The following JPH3 variants were observed in gnomAD, a reference collection of about 807,000 sequenced individuals.
JPH3 encodes the protein junctophilin 3.
In JPH3, 11 loss-of-function variants were observed where a neutral mutation model predicts 59.6. The ratio of observed to expected loss-of-function variants is 0.18; its 90% confidence interval spans 0.12 to 0.31. The LOEUF (loss-of-function observed/expected upper bound fraction) is 0.31. Among genes scored for constraint, JPH3 ranks in the 10% least tolerant of loss-of-function variants. The pLI, the probability that JPH3 is intolerant of heterozygous loss-of-function variation, is 1.00. For synonymous variants in JPH3, 673 were observed against 483.6 expected, an observed-to-expected ratio of 1.39 and a Z score of -5.14; for missense variants, 1,202 against 1,105.7, an observed-to-expected ratio of 1.09 and a Z score of -1.24.
chr16:87,610,818 G>T (rs1369398794), intron 1 of JPH3, among the ~76,000 whole-genome samples: 1 of 152,200 alleles, frequency 6.6e-6, no homozygotes, highest in Non-Finnish European at 1.5e-5. Flanking sequence ...AGTCATGACT[G>T]GGAGGCATTT....
intron 2 of JPH3, among the ~76,000 whole-genome samples, chr16:87,660,789 A>G (rs902894628): frequency 1.3e-5 from 2 of 152,196 alleles, no homozygotes; most frequent in African/African-American, 2.4e-5. Context: ...TGGGCCATCC[A>G]TATAAGGCTG....
At chr16:87,630,906 A>G (rs568378485) in intron 1 of JPH3, among the ~76,000 whole-genome samples, 2 of 152,136 alleles carry the variant, frequency 1.3e-5, no homozygotes, top group South Asian at 4.2e-4. Flanking sequence ...TTAAATCCAT[A>G]CTCAGTGTTT....
chr16:87,674,587 G>A (rs1323838895), intron 2 of JPH3, among the ~76,000 whole-genome samples: 3 of 152,218 alleles, frequency 2.0e-5, no homozygotes, highest in Non-Finnish European at 4.4e-5. Flanking sequence ...AAAATAAGGT[G>A]TGTATGTCGA....
intron 2 of JPH3, among the ~76,000 whole-genome samples, chr16:87,683,592 C>G (rs553583872): frequency 9.9e-5 from 15 of 152,044 alleles, no homozygotes; most frequent in African/African-American, 3.6e-4. Context: ...GCGTGAGCCA[C>G]TGTGCCCAGC....
intron 1 of JPH3, among the ~76,000 whole-genome samples, chr16:87,626,990 AG>A (rs1046110674): frequency 6.6e-6 from 1 of 152,244 alleles, no homozygotes; most frequent in African/African-American, 2.4e-5. Context: ...ATTAAAAAAA[AG>A]TTTTTTAAAA....
intron 2 of JPH3, among the ~76,000 whole-genome samples, chr16:87,676,343 G>A (rs77629025): frequency 0.06 from 9,071 of 152,222 alleles, 368 homozygotes; most frequent in South Asian, 0.15. Context: ...TGAACGAGTG[G>A]ATCCATAAAT....
intron 2 of JPH3, among the ~76,000 whole-genome samples, chr16:87,651,240 T>C (rs1318466111): frequency 6.6e-6 from 1 of 152,224 alleles, no homozygotes; most frequent in Non-Finnish European, 1.5e-5. Flanking sequence ...AAAGATTCCT[T>C]TTAAAATATT....
At chr16:87,628,749 C>T (rs1022477130) in intron 1 of JPH3, among the ~76,000 whole-genome samples, 5 of 152,084 alleles carry the variant, frequency 3.3e-5, no homozygotes, top group African/African-American at 9.6e-5. Flanking sequence ...GCCTTGGAGG[C>T]GTCAGCCTTC....
intron 2 of JPH3, among the ~76,000 whole-genome samples, chr16:87,671,996 G>T (rs933915213): frequency 6.6e-6 from 1 of 152,204 alleles, no homozygotes; most frequent in Non-Finnish European, 1.5e-5. Flanking sequence ...TGCCTGACGG[G>T]GTACGTGCTG....
intron 2 of JPH3, among the ~76,000 whole-genome samples, chr16:87,682,612 G>C (rs562291188): frequency 1.3e-5 from 2 of 152,350 alleles, no homozygotes; most frequent in African/African-American, 4.8e-5. Flanking sequence ...CTGGCACCTT[G>C]ATCTTGGACT....
chr16:87,657,028 C>T (rs973956393), intron 2 of JPH3, among the ~76,000 whole-genome samples: 5 of 152,140 alleles, frequency 3.3e-5, no homozygotes, highest in Non-Finnish European at 5.9e-5. Flanking sequence ...ACCTTAATTA[C>T]CTCCTTAAAG....
chr16:87,635,858 C>T (rs970127391), intron 1 of JPH3, among the ~76,000 whole-genome samples: 41 of 152,168 alleles, frequency 2.7e-4, no homozygotes, highest in Non-Finnish European at 3.5e-4. Flanking sequence ...CTCCTGTGTG[C>T]GGAGGCAGCA....
At chr16:87,653,227 T>C (rs2032384269) in intron 2 of JPH3, among the ~76,000 whole-genome samples, 1 of 152,210 alleles carries the variant, frequency 6.6e-6, no homozygotes, top group African/African-American at 2.4e-5. Flanking sequence ...CCCAGGGTGA[T>C]GCCTGCTCTG....
At chr16:87,695,619 G>A (rs1000753205) in intron 4 of JPH3, 28 of 455,910 alleles carry the variant, frequency 6.1e-5, no homozygotes, top group Non-Finnish European at 9.3e-5. Context: ...TCCTGGGCTG[G>A]GGCCACCGTC....
intron 1 of JPH3, among the ~76,000 whole-genome samples, chr16:87,637,665 A>T (rs1044637606): frequency 1.3e-5 from 2 of 151,896 alleles, no homozygotes; most frequent in African/African-American, 4.8e-5. Flanking sequence ...CTCGGGGACA[A>T]CCCTGGGATA....
At position 87,644,400 on chromosome 16, in the gene JPH3, G is replaced by A. The variant is rs35305520; in HGVS notation, c.525G>A (p.Thr175=). The A allele has an allele frequency of 3.6e-3, 5,810 of 1,612,622 alleles. 171 individuals carry two copies. In the African/African-American group the frequency reaches 0.063, roughly 18 times the overall value. Residue 175 remains threonine (T), a synonymous_variant, in exon 2 of 5, where the codon ACG becomes ACA. Coordinates refer to ENST00000284262, the MANE Select transcript of JPH3 (RefSeq NM_020655.4). ...TGCGCAGCGAGCACACCAACGGCAC[G>A]GCGCTGCATCCCGACGCCTCTCCGG... ...NSLRSEHTNG[T]ALHPDASPAV...
intron 2 of JPH3, among the ~76,000 whole-genome samples, chr16:87,658,806 T>C (rs74039429): frequency 0.055 from 8,336 of 152,296 alleles, 786 homozygotes; most frequent in African/African-American, 0.19. Flanking sequence ...ACAAGGTGGA[T>C]TGGGGCTTGC....
chr16:87,614,775 C>T lies in JPH3; in HGVS notation c.382+11247C>T, dbSNP rs112598698. ...GGATAAACGCTGGTCCCTGCACACA[C>T]GAGGAGCCGCGTGTCCTCTCCCAGG... On this transcript the variant is annotated intron_variant, in intron 1 of 4. Coordinates refer to ENST00000284262, the MANE Select transcript of JPH3 (RefSeq NM_020655.4). Among the ~76,000 whole-genome samples, 207 of 109,952 alleles carry T rather than the reference C, an allele frequency of 1.9e-3. 6 individuals are homozygous for T. The highest frequency in any genetic ancestry group is 7.6e-3 in the African/African-American group (203 of 26,762). 72.1% of individuals were successfully genotyped at this position (109,952 alleles called of 152,430 possible).
intron 1 of JPH3, among the ~76,000 whole-genome samples, chr16:87,610,230 C>T (rs1392917625): frequency 6.6e-6 from 1 of 152,196 alleles, no homozygotes; most frequent in Non-Finnish European, 1.5e-5. Flanking sequence ...TACTCACTCG[C>T]CACTCACCTC....
Sources: gnomAD v4.1 joint callset for allele counts (sites outside exome capture counted in the v4.1 genomes callset) on GRCh38, gnomAD v4.1.1 for gene constraint, MANE v1.5 for transcripts, NCBI Gene and HGNC (gene_info 2026-07-23, HGNC 2026-07-21) for gene names.